The following EHMT1 variants were observed in gnomAD, a reference collection of about 807,000 sequenced individuals.
The protein encoded by EHMT1 is histone-lysine N-methyltransferase EHMT1.
In EHMT1, 15 loss-of-function variants were observed where a neutral mutation model predicts 147.2. That is an observed-to-expected ratio of 0.10 (90% confidence interval 0.07 to 0.16). The LOEUF (loss-of-function observed/expected upper bound fraction) is 0.16, where lower values mean the gene tolerates loss of function less well. Ranked by LOEUF, EHMT1 falls within the 10% of genes least tolerant of loss-of-function variation. The pLI is 1.00. For synonymous variants in EHMT1, 795 were observed against 709.6 expected (o/e 1.12, Z -1.91); for missense variants, 1,587 against 1,772.4 (o/e 0.90, Z 1.88).
intron 9 of EHMT1, 124 bp downstream of exon 9, chr9:137,758,135 C>G: frequency 7.5e-7 from 1 of 1,325,332 alleles, no homozygotes; most frequent in African/African-American, 1.5e-5. Context: ...AACTGCATCA[C>G]TTCCAGCTGA....
chr9:137,709,304 G>A (rs1010009610), intron 1 of EHMT1, among the ~76,000 whole-genome samples: 8 of 152,310 alleles, frequency 5.3e-5, no homozygotes, highest in South Asian at 2.1e-4. Flanking sequence ...GAAAGGTAGC[G>A]TGCTCTGCAT....
intron 4 of EHMT1, among the ~76,000 whole-genome samples, chr9:137,742,635 C>G (rs997612724): frequency 1.3e-5 from 2 of 152,174 alleles, no homozygotes; most frequent in Non-Finnish European, 2.9e-5. Context: ...GCCCCCAGGC[C>G]CCTTCCTCGC....
At chr9:137,669,459 C>G (rs1940226323) in intron 1 of EHMT1, among the ~76,000 whole-genome samples, 4 of 147,164 alleles carry the variant, frequency 2.7e-5, no homozygotes, top group Admixed American at 1.4e-4. Context: ...GCACTCACCT[C>G]CACCCAAGAC....
intron 4 of EHMT1, among the ~76,000 whole-genome samples, chr9:137,739,489 C>G (rs1947865664): frequency 6.6e-6 from 1 of 152,076 alleles, no homozygotes; most frequent in Non-Finnish European, 1.5e-5. Context: ...GTACAGTGTC[C>G]ACACTTGAGT....
Position 137,728,388 on chromosome 9 carries a change from A to G in EHMT1, c.682A>G (p.Arg228Gly). 1.9e-6 allele frequency: 3 copies of G among 1,614,200 alleles called. No individual in the cohort carries two copies. Among genetic ancestry groups the G allele is most frequent in the Non-Finnish European group, 2.5e-6 (3 of 1,180,008 alleles). Residue 228 changes from arginine (R) to glycine (G), a missense_variant, in exon 4 of 27, where the codon AGA (arginine) becomes GGA (glycine). This residue lies in a region of EHMT1 where 810 missense variants were observed against 673.0 expected (regional missense o/e 1.20). Coordinates refer to ENST00000460843, the MANE Select transcript of EHMT1 (RefSeq NM_024757.5). ...AGATCCCAGAGAAGTTCGAGAAGCTAGAGATCATAAGGAACCAAAAGAGGA... is the reference window on the plus strand; with the variant it reads ...AGATCCCAGAGAAGTTCGAGAAGCTGGAGATCATAAGGAACCAAAAGAGGA... ...SKDPREVREA[R>G]DHKEPKEEIN... is the part of the protein sequence containing the mutation.
chr9:137,834,683 G>A, intron 26 of EHMT1, 90 bp from the exon 27 acceptor site: 1 of 1,604,820 alleles, frequency 6.2e-7, no homozygotes, highest in Non-Finnish European at 8.5e-7. Flanking sequence ...AGATCGGGGT[G>A]AGGAAGCTTT....
At chr9:137,649,365 CAGG>C (rs901624603) in intron 1 of EHMT1, among the ~76,000 whole-genome samples, 1 of 152,084 alleles carries the variant, frequency 6.6e-6, no homozygotes, top group African/African-American at 2.4e-5. Flanking sequence ...GAGGCCGAGG[CAGG>C]AGAATTGCTT....
intron 1 of EHMT1, among the ~76,000 whole-genome samples, chr9:137,631,372 A>G (rs1377348283): frequency 2.0e-5 from 3 of 152,092 alleles, no homozygotes. Flanking sequence ...AGCCTGGGTA[A>G]CAAGAGTGAA....
intron 25 of EHMT1, among the ~76,000 whole-genome samples, chr9:137,823,931 T>C (rs1955636694): frequency 6.6e-6 from 1 of 152,262 alleles, no homozygotes; most frequent in Admixed American, 6.5e-5. Context: ...GACTCTGATG[T>C]ACATATAAAT....
chr9:137,811,350 G>A (rs552566216), intron 18 of EHMT1, 111 bp from the exon 19 acceptor site: 457 of 1,495,042 alleles, frequency 3.1e-4, no homozygotes, highest in Non-Finnish European at 4.0e-4. Context: ...GGACGGCCAC[G>A]CATGCTCCAG....
rs190709936 is a variant in EHMT1, at chr9:137,690,409, C to G, written c.22-20558C>G. Among the ~76,000 whole-genome samples, 229 of 150,438 alleles carry G rather than the reference C, an allele frequency of 1.5e-3. 1 individual carries two copies. Among genetic ancestry groups the G allele is most frequent in the African/African-American group, 5.4e-3 (221 of 40,770 alleles). On this transcript the variant is annotated intron_variant, in intron 1 of 26. Coordinates refer to ENST00000460843, the MANE Select transcript of EHMT1 (RefSeq NM_024757.5). ...CTGTCATCCCAGCGCTTTGAGAGGC[C>G]GAAGTGGGAAGATTGCTTGAGCCCA... is the stretch of plus-strand genomic sequence containing the variant.
chr9:137,736,137 A>G (rs1159900814), intron 4 of EHMT1, among the ~76,000 whole-genome samples: 3 of 152,244 alleles, frequency 2.0e-5, no homozygotes, highest in Non-Finnish European at 4.4e-5. Context: ...ACAGTAACCA[A>G]AGAGAGCAAG....
chr9:137,629,639 C>T (rs570833139), intron 1 of EHMT1, among the ~76,000 whole-genome samples: 3 of 151,988 alleles, frequency 2.0e-5, no homozygotes, highest in South Asian at 4.2e-4. Flanking sequence ...GTGATCTGCC[C>T]GCCTCTGCCT....
chr9:137,779,585 T>C (rs779957168), intron 13 of EHMT1, 50 bp from the exon 14 acceptor site: 8 of 1,603,370 alleles, frequency 5.0e-6, no homozygotes, highest in South Asian at 1.1e-5. Flanking sequence ...TTCAGCTTCA[T>C]GTGTGGGATG....
At chr9:137,669,489 C>T (rs1940239135) in intron 1 of EHMT1, among the ~76,000 whole-genome samples, 1 of 137,306 alleles carries the variant, frequency 7.3e-6, no homozygotes, top group Non-Finnish European at 1.6e-5. Flanking sequence ...AGCACGTGCA[C>T]TGGACTCCTC....
chr9:137,789,408 G>A (rs1272768755), intron 15 of EHMT1, among the ~76,000 whole-genome samples: 1 of 152,248 alleles, frequency 6.6e-6, no homozygotes, highest in African/African-American at 2.4e-5. Flanking sequence ...TGTGCTGAGC[G>A]TGCGGGCAGA....
chr9:137,816,736 T>C (rs1564817264), intron 23 of EHMT1: 1 of 164,374 alleles, frequency 6.1e-6, no homozygotes, highest in Non-Finnish European at 1.3e-5. Flanking sequence ...TATTGACTTT[T>C]TTGTGACCTC....
rs184872756 is a variant in EHMT1, at chr9:137,642,700, A to G, written c.21+23651A>G. ...GCCCTTCTTGTACTGTTATTGTCAT[A>G]CAAATTACATTACACTGTGTGCCCA... is the stretch of plus-strand genomic sequence containing the variant. On this transcript the variant is annotated intron_variant, in intron 1 of 26. Transcript: ENST00000460843. Among the ~76,000 whole-genome samples, 586 of 152,356 alleles carry G rather than the reference A, an allele frequency of 3.8e-3. 9 individuals are homozygous for G. The highest frequency in any genetic ancestry group is 2.6e-3 in the Non-Finnish European group (175 of 68,028).
chr9:137,805,835 G>A (rs1953902124), intron 18 of EHMT1, among the ~76,000 whole-genome samples: 2 of 151,666 alleles, frequency 1.3e-5, no homozygotes, highest in South Asian at 4.2e-4. Context: ...GCTAATTTTT[G>A]TATTTTTAGT....
Sources: gnomAD v4.1 joint callset for allele counts (sites outside exome capture counted in the v4.1 genomes callset) on GRCh38, gnomAD v4.1.1 for gene constraint, gnomAD v4.1.1 regional missense constraint, MANE v1.5 for transcripts, NCBI Gene and HGNC (gene_info 2026-07-23, HGNC 2026-07-21) for gene names.